Variants in IKZF3 observed in about 807,000 individuals in gnomAD.
The protein encoded by IKZF3 is zinc finger protein Aiolos.
A neutral mutation model predicts 49.0 loss-of-function variants in IKZF3; 10 were observed. The observed-to-expected ratio is 0.20, with a 90% CI of 0.13 to 0.35. The LOEUF is 0.35. Ranked by LOEUF, IKZF3 falls within the 10% of genes least tolerant of loss-of-function variation. IKZF3 has a pLI of 1.00. For synonymous variants in IKZF3, 209 were observed against 228.2 expected, an observed-to-expected ratio of 0.92 and a Z score of 0.76; for missense variants, 498 against 664.8, an observed-to-expected ratio of 0.75 and a Z score of 2.76.
chr17:39,814,402 A>G (rs2061632960), intron 3 of IKZF3, among the ~76,000 whole-genome samples: 1 of 152,186 alleles, frequency 6.6e-6, no homozygotes, highest in Admixed American at 6.5e-5. Flanking sequence ...CTATTTCATG[A>G]TGGGTATTGG....
chr17:39,827,006 T>A (rs1420686653), intron 3 of IKZF3, among the ~76,000 whole-genome samples: 1 of 152,180 alleles, frequency 6.6e-6, no homozygotes, highest in East Asian at 1.9e-4. Flanking sequence ...TTTGTTTTTG[T>A]TCTTTTTTTG....
At chr17:39,861,816 G>A (rs1049734312) in intron 1 of IKZF3, among the ~76,000 whole-genome samples, 1 of 152,168 alleles carries the variant, frequency 6.6e-6, no homozygotes, top group African/African-American at 2.4e-5. Context: ...AATAATATAT[G>A]ATCTGATGGT....
intron 3 of IKZF3, among the ~76,000 whole-genome samples, chr17:39,804,561 C>A (rs1422481297): frequency 6.6e-6 from 1 of 152,080 alleles, no homozygotes; most frequent in Non-Finnish European, 1.5e-5. Context: ...TCACAATAGA[C>A]CCCTAACTTG....
chr17:39,858,861 C>T (rs1348567654), intron 1 of IKZF3, among the ~76,000 whole-genome samples: 2 of 151,870 alleles, frequency 1.3e-5, no homozygotes, highest in African/African-American at 2.4e-5. Context: ...AGTGCAGTGG[C>T]GTCATTACAG....
chr17:39,790,599 T>C (rs1376844541), intron 5 of IKZF3, among the ~76,000 whole-genome samples: 2 of 152,094 alleles, frequency 1.3e-5, no homozygotes, highest in East Asian at 3.8e-4. Context: ...ATCAAGAACA[T>C]GAGGTCCCAA....
intron 2 of IKZF3, among the ~76,000 whole-genome samples, chr17:39,831,104 G>A (rs934947590): frequency 3.3e-5 from 5 of 152,150 alleles, no homozygotes; most frequent in African/African-American, 9.7e-5. Flanking sequence ...GTGATTGGCC[G>A]GGTGCGGTGG....
chr17:39,814,357 T>C (rs936564278), intron 3 of IKZF3, among the ~76,000 whole-genome samples: 2 of 152,114 alleles, frequency 1.3e-5, no homozygotes, highest in Non-Finnish European at 2.9e-5. Flanking sequence ...CATACACCGA[T>C]TGATCACCAC....
chr17:39,844,572 C>G (rs986713646), intron 1 of IKZF3, among the ~76,000 whole-genome samples: 1 of 152,118 alleles, frequency 6.6e-6, no homozygotes, highest in African/African-American at 2.4e-5. Flanking sequence ...CTTTATTTTT[C>G]TTTATAAAAT....
In IKZF3 at chr17:39,765,111, T is replaced by C. The variant is rs185478724; in HGVS notation, c.*679A>G. 4.7e-3 allele frequency: 714 copies of C among 152,468 alleles called. 2 individuals are homozygous for C. The highest frequency in any genetic ancestry group is 7.0e-3 in the Non-Finnish European group (479 of 68,028). 9.4% of individuals were successfully genotyped at this position (152,468 alleles called of 1,614,324 possible). ...TTCTTCTGGCATAGATTTTCTTCTA[T>C]AGACAACTGGTTTAGCCCAAAGCAG... On this transcript the variant is annotated 3_prime_UTR_variant, in exon 8 of 8. Coordinates refer to ENST00000346872, the MANE Select transcript of IKZF3 (RefSeq NM_012481.5).
chr17:39,785,641 T>A (rs1276071008), intron 6 of IKZF3, among the ~76,000 whole-genome samples: 2 of 151,726 alleles, frequency 1.3e-5, no homozygotes, highest in African/African-American at 4.9e-5. Flanking sequence ...AGTTTTCTGA[T>A]TTTTCCCCCT....
intron 1 of IKZF3, among the ~76,000 whole-genome samples, chr17:39,836,335 C>G (rs750035238): frequency 2.3e-4 from 35 of 152,268 alleles, no homozygotes; most frequent in Non-Finnish European, 4.9e-4. Flanking sequence ...AGGCACCAGG[C>G]CTACTCATGT....
chr17:39,757,805 AG>A lies in IKZF3; in HGVS notation c.*7984del, dbSNP rs1330726718. On this transcript the variant is annotated 3_prime_UTR_variant, in exon 8 of 8. Coordinates refer to ENST00000346872, the MANE Select transcript of IKZF3 (RefSeq NM_012481.5). ...AACTATCAGCAGGGCTATTTCTTAC[AG>A]GGTTCCAGCAAGGGTTAGCATTGTT... The A allele has an allele frequency of 6.6e-6, 1 of 152,246 alleles. No homozygotes were observed. The highest frequency in any genetic ancestry group is 6.5e-5 in the Admixed American group (1 of 15,274). 9.4% of individuals were successfully genotyped at this position (152,246 alleles called of 1,614,324 possible).
intron 1 of IKZF3, among the ~76,000 whole-genome samples, chr17:39,848,598 C>T (rs1242109046): frequency 6.6e-6 from 1 of 152,148 alleles, no homozygotes; most frequent in Non-Finnish European, 1.5e-5. Flanking sequence ...AAGTGGGTAA[C>T]AGAGCTAAAT....
Position 39,777,270 on chromosome 17 carries a change from C to T in IKZF3, c.826+381G>A, listed in dbSNP as rs1347032069. On this transcript the variant is annotated intron_variant, in intron 7 of 7. Transcript: ENST00000346872. ...CATGAAAAAAGTTTGAGCATGCTAA[C>T]GAACCAACTTGTAAAATATAATTAC... 3.3e-5 allele frequency among the ~76,000 whole-genome samples: 5 copies of T among 152,264 alleles called. No homozygotes were observed. In the South Asian group the frequency reaches 1.0e-3, roughly 32 times the overall value.
At chr17:39,839,146 TTTC>T (rs949539818) in intron 1 of IKZF3, among the ~76,000 whole-genome samples, 4 of 152,086 alleles carry the variant, frequency 2.6e-5, no homozygotes, top group Non-Finnish European at 4.4e-5. Flanking sequence ...TGTTTTAATT[TTTC>T]TTCTTTTTTT....
At chr17:39,817,626 C>A (rs991139757) in intron 3 of IKZF3, among the ~76,000 whole-genome samples, 6 of 152,164 alleles carry the variant, frequency 3.9e-5, no homozygotes, top group African/African-American at 1.4e-4. Flanking sequence ...TAAATGTTTT[C>A]CTGTGCTGCA....
At chr17:39,811,611 C>T (rs1404091912) in intron 3 of IKZF3, among the ~76,000 whole-genome samples, 1 of 152,132 alleles carries the variant, frequency 6.6e-6, no homozygotes, top group African/African-American at 2.4e-5. Context: ...AAAGTTTTCC[C>T]AGCATTTCAA....
intron 6 of IKZF3, among the ~76,000 whole-genome samples, chr17:39,785,938 G>C (rs1366460966): frequency 1.3e-5 from 2 of 152,168 alleles, no homozygotes; most frequent in Non-Finnish European, 2.9e-5. Context: ...ATTATGCTAA[G>C]TAAAAGGAGC....
chr17:39,862,954 C>T (rs895592424), intron 1 of IKZF3, among the ~76,000 whole-genome samples: 2 of 152,070 alleles, frequency 1.3e-5, no homozygotes, highest in African/African-American at 2.4e-5. Context: ...ATCCTTGATA[C>T]GTGGTATGGT....
Sources: allele counts gnomAD v4.1 joint callset (sites outside exome capture counted in the v4.1 genomes callset), GRCh38; gene constraint gnomAD v4.1.1; transcripts MANE v1.5; gene names NCBI Gene and HGNC (gene_info 2026-07-23, HGNC 2026-07-21).